MYO6: variants seen among roughly 807,000 people sequenced by gnomAD.
MYO6 encodes the protein myosin VI, also known as unconventional myosin-VI.
In MYO6, 74 loss-of-function variants were observed where a neutral mutation model predicts 178.7. That is an observed-to-expected ratio of 0.41 (90% CI 0.34 to 0.50). MYO6 has a LOEUF of 0.50. Ranked by LOEUF, MYO6 falls within the 20% of genes least tolerant of loss-of-function variation. The pLI is 0.09. For synonymous variants in MYO6, 477 were observed against 504.6 expected, an observed-to-expected ratio of 0.95 and a Z score of 0.73; for missense variants, 1,330 against 1,547.4, an observed-to-expected ratio of 0.86 and a Z score of 2.36.
intron 5 of MYO6, 80 bp downstream of exon 5, chr6:75,830,625 A>G: frequency 7.6e-7 from 1 of 1,319,810 alleles, no homozygotes; most frequent in South Asian, 1.2e-5. Context: ...TTGGATTAAT[A>G]AAAGATACCA....
chr6:75,842,484 G>T (rs905971678), intron 9 of MYO6, among the ~76,000 whole-genome samples: 3 of 152,258 alleles, frequency 2.0e-5, no homozygotes, highest in South Asian at 2.1e-4. Context: ...GTGTGTGTGC[G>T]TGTGTGTTTG....
rs190587247 is a variant in MYO6 at position 75,894,889 on chromosome 6, A to G, written c.3108-342A>G. Reference sequence around the variant, plus strand: ...TCATATGTTCTGAAATATAATTTCAATCAATTACACATATGATTCTTGATG... The same window carrying G: ...TCATATGTTCTGAAATATAATTTCAGTCAATTACACATATGATTCTTGATG... On this transcript the variant is annotated intron_variant, in intron 28 of 34. Transcript: ENST00000369977. 63 of 1,213,070 alleles carry G rather than the reference A, an allele frequency of 5.2e-5. No individual in the cohort carries two copies. The East Asian group carries it at 1.1e-3, about 21-fold the overall frequency. 75.1% of individuals were successfully genotyped at this position (1,213,070 alleles called of 1,614,324 possible).
At chr6:75,827,037 G>T (rs1772547348) in intron 3 of MYO6, among the ~76,000 whole-genome samples, 2 of 152,232 alleles carry the variant, frequency 1.3e-5, no homozygotes, top group South Asian at 4.1e-4. Context: ...TTGGTTAGGT[G>T]TTGAATAGTA....
intron 1 of MYO6, among the ~76,000 whole-genome samples, chr6:75,813,538 G>T (rs1000991592): frequency 2.6e-5 from 4 of 152,168 alleles, no homozygotes; most frequent in African/African-American, 9.7e-5. Flanking sequence ...CTCTGGCTGA[G>T]CTGGTACCCA....
chr6:75,762,629 G>GA (rs1420876136), intron 1 of MYO6, among the ~76,000 whole-genome samples: 3 of 152,156 alleles, frequency 2.0e-5, no homozygotes, highest in African/African-American at 7.2e-5. Flanking sequence ...ACAGTTCTGT[G>GA]ATACCCACTT....
chr6:75,896,874 A>G (rs913463753), intron 29 of MYO6, among the ~76,000 whole-genome samples: 2 of 152,238 alleles, frequency 1.3e-5, no homozygotes, highest in African/African-American at 4.8e-5. Flanking sequence ...TAAGCCCGCA[A>G]TCAGTGTCTA....
At chr6:75,891,327 AT>A (rs748869212) in intron 27 of MYO6, 21 bp downstream of exon 27, 6 of 1,569,694 alleles carry the variant, frequency 3.8e-6, no homozygotes, top group Non-Finnish European at 5.2e-6. Flanking sequence ...ACTGGGTTGA[AT>A]TTCTATTAAA....
rs540868798 is a variant in MYO6 at position 75,842,349 on chromosome 6, A to G, written c.816+971A>G. Among the ~76,000 whole-genome samples the G allele has an allele frequency of 5.8e-4, 88 of 152,318 alleles. 1 individual carries two copies. Among genetic ancestry groups the G allele is most frequent in the Middle Eastern group, 3.4e-3 (1 of 294 alleles). Reference sequence around the variant, plus strand: ...TGGAGTATGGGAATGTAGTTTATACAAAGGAATGCAATGTGAGTAAGGAAT... The same window carrying G: ...TGGAGTATGGGAATGTAGTTTATACGAAGGAATGCAATGTGAGTAAGGAAT... On this transcript the variant is annotated intron_variant, in intron 9 of 34. Coordinates refer to ENST00000369977, the MANE Select transcript of MYO6 (RefSeq NM_004999.4).
intron 25 of MYO6, among the ~76,000 whole-genome samples, chr6:75,887,696 G>C (rs186737261): frequency 4.5e-4 from 64 of 141,996 alleles, no homozygotes; most frequent in African/African-American, 1.6e-3. Context: ...GAAAATGGCC[G>C]GGCACGGTGG....
At chr6:75,854,720 T>C (rs1775588838) in intron 11 of MYO6, among the ~76,000 whole-genome samples, 1 of 152,186 alleles carries the variant, frequency 6.6e-6, no homozygotes, top group Non-Finnish European at 1.5e-5. Flanking sequence ...TACATCCAAA[T>C]TGATCTATTT....
chr6:75,802,144 A>G (rs1769530481), intron 1 of MYO6, among the ~76,000 whole-genome samples: 1 of 151,630 alleles, frequency 6.6e-6, no homozygotes, highest in Admixed American at 6.6e-5. Flanking sequence ...GACAAAATTA[A>G]CTCCCTGTAA....
At chr6:75,865,068 A>G (rs1184114787) in intron 16 of MYO6, among the ~76,000 whole-genome samples, 1 of 152,002 alleles carries the variant, frequency 6.6e-6, no homozygotes, top group East Asian at 1.9e-4. Flanking sequence ...AACCTTGAGC[A>G]AGCCTCTAAG....
intron 1 of MYO6, among the ~76,000 whole-genome samples, chr6:75,784,959 A>G (rs1304497801): frequency 6.6e-6 from 1 of 152,172 alleles, no homozygotes; most frequent in Non-Finnish European, 1.5e-5. Flanking sequence ...GAGTTACTTT[A>G]TAATTCCTTA....
chr6:75,852,347 A>C (rs1042539812), intron 11 of MYO6, among the ~76,000 whole-genome samples: 1 of 151,726 alleles, frequency 6.6e-6, no homozygotes, highest in Non-Finnish European at 1.5e-5. Context: ...TTTTGGTAGG[A>C]GCTTTATTGA....
intron 22 of MYO6, 113 bp downstream of exon 22, chr6:75,880,233 TAAC>T (rs1229534509): frequency 1.2e-6 from 1 of 821,926 alleles, no homozygotes; most frequent in African/African-American, 1.7e-5. Flanking sequence ...ATATGGTCAC[TAAC>T]AACATGAATT....
chr6:75,851,718 G>T (rs1477261798), intron 11 of MYO6, among the ~76,000 whole-genome samples: 1 of 152,004 alleles, frequency 6.6e-6, no homozygotes, highest in East Asian at 1.9e-4. Flanking sequence ...GGTGGTGCAT[G>T]CCTGTAGTCC....
rs772979241 is a variant in MYO6, at chr6:75,879,815, T to A, written c.2078-5T>A. 16 of 1,614,162 alleles carry A rather than the reference T, an allele frequency of 9.9e-6. No homozygotes were observed. Among genetic ancestry groups the A allele is most frequent in the Non-Finnish European group, 1.0e-5 (12 of 1,180,006 alleles). Reference sequence around the variant, plus strand: ...ACAGTGCTTTGTGCTTGTTCGTGAATCTAGGGATGGTGTCTGTTTTGGACT... The same window carrying A: ...ACAGTGCTTTGTGCTTGTTCGTGAAACTAGGGATGGTGTCTGTTTTGGACT... On this transcript the variant is annotated splice_region_variant and splice_polypyrimidine_tract_variant and intron_variant, in intron 20 of 34. Coordinates refer to ENST00000369977, the MANE Select transcript of MYO6 (RefSeq NM_004999.4).
Position 75,848,851 on chromosome 6 carries a change from G to A in MYO6, c.1078+320G>A, listed in dbSNP as rs79968750. 2.2e-4 allele frequency among the ~76,000 whole-genome samples: 34 copies of A among 152,070 alleles called. No homozygotes were observed. The East Asian group carries it at 5.2e-3, about 23-fold the overall frequency. ...CAGTTATATTACACTTTTCCAATAG[G>A]TGAGAAGATTAATTCTCTATCATCT... On this transcript the variant is annotated intron_variant, in intron 11 of 34. Coordinates refer to ENST00000369977, the MANE Select transcript of MYO6 (RefSeq NM_004999.4).
chr6:75,915,281 A>C lies in MYO6; in HGVS notation c.*269A>C. The C allele has an allele frequency of 4.6e-5, 22 of 481,890 alleles. No homozygotes were observed. Among genetic ancestry groups the C allele is most frequent in the Middle Eastern group, 6.0e-4 (1 of 1,672 alleles). 29.9% of individuals were successfully genotyped at this position (481,890 alleles called of 1,614,324 possible). On this transcript the variant is annotated 3_prime_UTR_variant, in exon 35 of 35. Transcript: ENST00000369977. ...ACATGGGCATATTCTGATGTTTCTC[A>C]TCCTTTGCCAGAAGACTACCTTACA...
Sources: allele counts gnomAD v4.1 joint callset (sites outside exome capture counted in the v4.1 genomes callset), GRCh38; gene constraint gnomAD v4.1.1; transcripts MANE v1.5; gene names NCBI Gene and HGNC (gene_info 2026-07-23, HGNC 2026-07-21).